The following CHCT1 variants were observed in gnomAD, a reference collection of about 807,000 sequenced individuals.
The protein encoded by CHCT1 is CHD1 helical C-terminal domain containing protein 1.
chr17:60,421,912 C>T, the CHCT1 span: 1 of 985,596 alleles, frequency 1.0e-6, no homozygotes, highest in Non-Finnish European at 1.2e-6. Flanking sequence ...AGCGGGACCG[C>T]TGCGGTACCT....
chr17:60,426,575 C>T, the CHCT1 span: 1 of 1,265,064 alleles, frequency 7.9e-7, no homozygotes, highest in South Asian at 1.5e-5. Context: ...TGGGCAAATC[C>T]CCACCCCTCC....
the CHCT1 span, chr17:60,426,499 C>T: frequency 2.9e-6 from 3 of 1,038,794 alleles, 1 homozygote; most frequent in South Asian, 5.0e-5. Flanking sequence ...ACAGCCCTGA[C>T]TGCACCTTGT....
the CHCT1 span, chr17:60,422,017 C>A: frequency 1.1e-6 from 1 of 872,164 alleles, no homozygotes; most frequent in Non-Finnish European, 1.4e-6. Context: ...ACCCAGTACC[C>A]AGCACCCAGC....
the CHCT1 span, among the ~76,000 whole-genome samples, chr17:60,424,540 A>G: frequency 6.6e-6 from 1 of 152,252 alleles, no homozygotes; most frequent in Non-Finnish European, 1.5e-5. Flanking sequence ...TCATGAGGTC[A>G]GCCTGCTCTC....
the CHCT1 span, chr17:60,431,166 C>A: frequency 1.3e-6 from 2 of 1,555,916 alleles, no homozygotes; most frequent in Non-Finnish European, 1.8e-6. Flanking sequence ...CTGTCTCTGA[C>A]CTTCTCTTTT....
At chr17:60,430,122 C>CCTT in the CHCT1 span, among the ~76,000 whole-genome samples, 3 of 64,316 alleles carry the variant, frequency 4.7e-5, 1 homozygote, top group African/African-American at 1.1e-4. Context: ...ACGCACCTGG[C>CCTT]TTTTTTTTTT....
the CHCT1 span, chr17:60,425,637 A>C: frequency 1.7e-6 from 1 of 593,772 alleles, no homozygotes; most frequent in East Asian, 2.8e-5. Context: ...TTCTTTGCCC[A>C]AGGCTCACTC....
At chr17:60,426,059 C>A in the CHCT1 span, 1 of 1,349,686 alleles carries the variant, frequency 7.4e-7, no homozygotes, top group Non-Finnish European at 1.0e-6. Flanking sequence ...CAGCACTGGG[C>A]CACTCAGGGC....
At chr17:60,426,736 C>G in the CHCT1 span, 1 of 1,611,082 alleles carries the variant, frequency 6.2e-7, no homozygotes, top group African/African-American at 1.3e-5. Flanking sequence ...GGCGGTTCAT[C>G]TCCCTCTTCT....
chr17:60,421,504 T>A, the CHCT1 span: 8 of 985,268 alleles, frequency 8.1e-6, no homozygotes, highest in Admixed American at 3.7e-4. Flanking sequence ...TGGGGACAAC[T>A]GGGCCCGGGC....
At chr17:60,421,321 C>A in the CHCT1 span, 1 of 960,200 alleles carries the variant, frequency 1.0e-6, no homozygotes, top group South Asian at 4.8e-5. Flanking sequence ...TAAAAAGTTT[C>A]TGGACTCAAA....
At chr17:60,426,836 C>T in the CHCT1 span, 73 of 1,580,814 alleles carry the variant, frequency 4.6e-5, no homozygotes, top group Middle Eastern at 5.0e-4. Context: ...CAAGACATTC[C>T]GCCCGAGCAC....
the CHCT1 span, chr17:60,429,293 G>T: frequency 2.7e-5 from 41 of 1,506,592 alleles, no homozygotes; most frequent in Admixed American, 7.7e-4. Context: ...AACAAATGCG[G>T]TGCTGGGACT....
the CHCT1 span, chr17:60,425,807 A>G: frequency 6.4e-7 from 1 of 1,551,370 alleles, no homozygotes; most frequent in South Asian, 1.2e-5. Flanking sequence ...ATGCCTGGAG[A>G]CAAGCTCCAG....
chr17:60,421,549 T>C, the CHCT1 span: 11 of 985,432 alleles, frequency 1.1e-5, no homozygotes, highest in Non-Finnish European at 1.3e-5. Context: ...GGAGAAGGAA[T>C]TCCTAGTTTC....
chr17:60,426,774 G>A, the CHCT1 span: 10 of 1,610,012 alleles, frequency 6.2e-6, no homozygotes, highest in South Asian at 2.2e-5. Context: ...CAGCTTCGCC[G>A]ACTTTACAAG....
At chr17:60,424,288 G>T in the CHCT1 span, among the ~76,000 whole-genome samples, 1 of 152,170 alleles carries the variant, frequency 6.6e-6, no homozygotes, top group Non-Finnish European at 1.5e-5. Flanking sequence ...GATGCTAGAG[G>T]CTAGGGATGC....
chr17:60,423,857 A>C, the CHCT1 span, among the ~76,000 whole-genome samples: 3 of 152,180 alleles, frequency 2.0e-5, no homozygotes, highest in Non-Finnish European at 4.4e-5. Flanking sequence ...CATTAGATGC[A>C]TGGTTTATTA....
At chr17:60,426,170 T>C in the CHCT1 span, 4 of 1,551,464 alleles carry the variant, frequency 2.6e-6, no homozygotes, top group Non-Finnish European at 2.6e-6. Flanking sequence ...GTGTAAAGAA[T>C]ACCTAAGACC....
Sources: gnomAD v4.1 joint callset for allele counts (sites outside exome capture counted in the v4.1 genomes callset) on GRCh38, gnomAD v4.1.1 for gene constraint, MANE v1.5 for transcripts, NCBI Gene and HGNC (gene_info 2026-07-23, HGNC 2026-07-21) for gene names.